Variants in SPATA22 observed in about 807,000 individuals in gnomAD.
SPATA22 encodes the protein spermatogenesis-associated protein 22.
Under a neutral mutation model 47.8 loss-of-function variants are expected in SPATA22, and 29 were observed. That is an observed-to-expected ratio of 0.61 (90% CI 0.45 to 0.83). The LOEUF (loss-of-function observed/expected upper bound fraction) is 0.83. Ranked by LOEUF, SPATA22 falls within the 40% of genes least tolerant of loss-of-function variation. The pLI is 0.00. For missense variants in SPATA22, 410 were observed against 421.7 expected, an observed-to-expected ratio of 0.97 and a Z score of 0.24; for synonymous variants, 133 against 140.9, an observed-to-expected ratio of 0.94 and a Z score of 0.40.
rs943302166 is a variant in SPATA22 at position 3,448,684 on chromosome 17, G to A, written c.672+123C>T. 13 of 690,790 alleles carry A rather than the reference G, an allele frequency of 1.9e-5. No homozygotes were observed. The African/African-American group carries it at 2.4e-4, about 13-fold the overall frequency. 42.8% of individuals were successfully genotyped at this position (690,790 alleles called of 1,614,324 possible). On this transcript the variant is annotated intron_variant, in intron 6 of 8. Transcript: ENST00000572969. ...CACTTCAATGGAACTGAATATTTAT[G>A]CTAATCAAGTAATGTATGTCATGGA...
chr17:3,478,013 T>C (rs1195524817), intron 1 of SPATA22, among the ~76,000 whole-genome samples: 1 of 151,484 alleles, frequency 6.6e-6, no homozygotes, highest in African/African-American at 2.4e-5. Flanking sequence ...AAACCCCGTC[T>C]CTACTAAAAA....
chr17:3,466,496 T>A (rs2073317834), intron 3 of SPATA22, among the ~76,000 whole-genome samples: 1 of 152,056 alleles, frequency 6.6e-6, no homozygotes, highest in African/African-American at 2.4e-5. Flanking sequence ...GTCTCTAGGA[T>A]GTGAATTAAG....
chr17:3,469,712 A>T (rs1024596322), intron 1 of SPATA22, among the ~76,000 whole-genome samples: 6 of 152,228 alleles, frequency 3.9e-5, no homozygotes, highest in African/African-American at 1.4e-4. Context: ...AGGAAAATGG[A>T]CCACAGCGTT....
chr17:3,465,066 TGGGGG>T (rs1212035375), intron 3 of SPATA22, among the ~76,000 whole-genome samples: 30 of 63,184 alleles, frequency 4.7e-4, no homozygotes, highest in African/African-American at 6.1e-4. Context: ...GGGAGGGAGG[TGGGGG>T]GTCAGCCCCT....
At chr17:3,455,795 A>C (rs2150712332) in intron 5 of SPATA22, among the ~76,000 whole-genome samples, 1 of 150,202 alleles carries the variant, frequency 6.7e-6, no homozygotes, top group African/African-American at 2.4e-5. Flanking sequence ...TTTTGGTTCC[A>C]TATGAACTTT....
chr17:3,463,728 G>A (rs1182340482), intron 3 of SPATA22, among the ~76,000 whole-genome samples: 1 of 152,114 alleles, frequency 6.6e-6, no homozygotes, highest in Non-Finnish European at 1.5e-5. Flanking sequence ...AAATGTTTCA[G>A]CTCCATTATA....
intron 7 of SPATA22, 45 bp downstream of exon 7, chr17:3,446,427 C>T (rs1190225643): frequency 6.4e-7 from 1 of 1,559,358 alleles, no homozygotes; most frequent in Non-Finnish European, 8.7e-7. Context: ...TAAAACCTGT[C>T]CTCCAGAGAG....
At chr17:3,440,617 C>T (rs17822639) in intron 8 of SPATA22, 52,038 of 231,250 alleles carry the variant, frequency 0.23, 6,262 homozygotes, top group East Asian at 0.38. Flanking sequence ...CATGAAATTA[C>T]CCACTCTTTT....
chr17:3,446,339 A>G, intron 7 of SPATA22, 133 bp downstream of exon 7: 2 of 579,056 alleles, frequency 3.5e-6, no homozygotes, highest in East Asian at 7.2e-5. Context: ...TATTATTAAA[A>G]CCAGTTCTTT....
intron 1 of SPATA22, among the ~76,000 whole-genome samples, chr17:3,470,865 T>G (rs974856907): frequency 1.3e-5 from 2 of 149,074 alleles, no homozygotes; most frequent in Non-Finnish European, 3.0e-5. Flanking sequence ...TTAGAAAATA[T>G]TCCTGGTGGC....
chr17:3,459,148 C>A (rs1177157631), intron 5 of SPATA22, among the ~76,000 whole-genome samples: 3 of 151,930 alleles, frequency 2.0e-5, no homozygotes, highest in Non-Finnish European at 4.4e-5. Context: ...TGATGTCAGT[C>A]AAAGGGTACA....
intron 1 of SPATA22, among the ~76,000 whole-genome samples, chr17:3,469,664 C>T (rs935690071): frequency 1.2e-4 from 18 of 152,000 alleles, no homozygotes; most frequent in East Asian, 1.9e-4. Context: ...TTCAGAATCC[C>T]GCACCCACAA....
At position 3,504,071 on chromosome 17, in the gene SPATA22, C is replaced by T. The variant is rs566097427; in HGVS notation, c.-74+9341G>A. On this transcript the variant is annotated intron_variant, in intron 1 of 8. Coordinates refer to the SPATA22 transcript ENST00000541913. ...TCCTCTAGGCCTTTACATAGACTGA[C>T]TCCCCTACCCAGAACTCTCCCCCAC... Among the ~76,000 whole-genome samples the T allele has an allele frequency of 9.6e-4, 146 of 152,262 alleles. 1 individual carries two copies. The highest frequency in any genetic ancestry group is 3.4e-3 in the African/African-American group (143 of 41,536).
intron 1 of SPATA22, among the ~76,000 whole-genome samples, chr17:3,470,826 C>T (rs1208121723): frequency 6.6e-6 from 1 of 151,284 alleles, no homozygotes; most frequent in African/African-American, 2.4e-5. Flanking sequence ...ACATCTTAGG[C>T]TTGAAGCTGG....
intron 7 of SPATA22, among the ~76,000 whole-genome samples, chr17:3,445,560 G>A (rs1329887556): frequency 6.6e-6 from 1 of 152,142 alleles, no homozygotes; most frequent in African/African-American, 2.4e-5. Flanking sequence ...CAAAACTTGA[G>A]TTAAGAAGTG....
upstream of SPATA22, chr17:3,476,506 C>CATGTACGG: frequency 1.0e-6 from 1 of 1,001,464 alleles, no homozygotes. Flanking sequence ...TCCGTACATG[C>CATGTACGG]AGTCGTATGT....
chr17:3,478,193 A>G (rs1253187086), intron 1 of SPATA22, among the ~76,000 whole-genome samples: 1 of 150,776 alleles, frequency 6.6e-6, no homozygotes, highest in African/African-American at 2.4e-5. Flanking sequence ...TCAAAAAAAA[A>G]AATATATATA....
intron 5 of SPATA22, among the ~76,000 whole-genome samples, chr17:3,460,079 C>G (rs150000008): frequency 5.3e-5 from 8 of 152,108 alleles, no homozygotes; most frequent in Non-Finnish European, 1.5e-5. Context: ...CACACAAGCA[C>G]GTTAGATAAA....
At position 3,440,356 on chromosome 17, in the gene SPATA22, AG is replaced by A. The variant is rs758727495; in HGVS notation, c.901-19del. 6.7e-7 allele frequency: 1 copy of A among 1,496,600 alleles called. No individual in the cohort carries two copies. Among genetic ancestry groups the A allele is most frequent in the Non-Finnish European group, 8.9e-7 (1 of 1,118,286 alleles). 92.7% of individuals were successfully genotyped at this position (1,496,600 alleles called of 1,614,324 possible). A position where few individuals can be genotyped will look rare whatever the true frequency, so the allele number is the denominator to read the frequency against. ...TCACGATCCTGTTTTTCAAAAAATA[AG>A]TATCAAAAAATAGTTATTACTTCAT... On this transcript the variant is annotated intron_variant, in intron 8 of 8. Transcript: ENST00000572969.
Sources: gnomAD v4.1 joint callset for allele counts (sites outside exome capture counted in the v4.1 genomes callset) on GRCh38, gnomAD v4.1.1 for gene constraint, MANE v1.5 for transcripts, NCBI Gene and HGNC (gene_info 2026-07-23, HGNC 2026-07-21) for gene names.